The following KIF26B variants were observed in gnomAD, a reference collection of about 807,000 sequenced individuals.
KIF26B encodes the protein kinesin family member 26B.
KIF26B carries 63 observed loss-of-function variants against 151.2 expected under a neutral mutation model. The observed-to-expected ratio is 0.42, with a 90% confidence interval of 0.34 to 0.51. The LOEUF is 0.51. KIF26B is among the 20% of genes least tolerant of loss of function. The pLI is 0.07. For missense variants in KIF26B, 2,813 were observed against 2,913.6 expected (o/e 0.97, Z 0.79); for synonymous variants, 1,357 against 1,262.1 (o/e 1.08, Z -1.59).
chr1:245,443,113 GGTCATCTCCCTCACTGTTCACCTAGAGCT>G (rs1659154035), intron 4 of KIF26B, among the ~76,000 whole-genome samples: 4 of 143,938 alleles, frequency 2.8e-5, no homozygotes, highest in Admixed American at 6.9e-5. Context: ...TTAGAGGAGA[GGTCATCTCCCTCACTGTTCACCTAGAGCT>G]GTCATCTCCC....
chr1:245,356,428 C>T (rs778360405), intron 2 of KIF26B, among the ~76,000 whole-genome samples: 8 of 151,864 alleles, frequency 5.3e-5, no homozygotes, highest in African/African-American at 1.7e-4. Context: ...TGGTGGCGGG[C>T]GCCTGTGATC....
At chr1:245,346,336 T>TC (rs2102998340) in intron 2 of KIF26B, among the ~76,000 whole-genome samples, 1 of 152,296 alleles carries the variant, frequency 6.6e-6, no homozygotes, top group South Asian at 2.1e-4. Flanking sequence ...TCAAGCCACA[T>TC]CTGCTTTGTC....
intron 2 of KIF26B, chr1:245,226,106 G>C (rs866484640): frequency 3.9e-5 from 6 of 152,410 alleles, no homozygotes; most frequent in Middle Eastern, 3.4e-3. Flanking sequence ...TTCCCCACGA[G>C]GGGCAGCAGC....
chr1:245,392,062 GA>G (rs34473498), intron 3 of KIF26B, among the ~76,000 whole-genome samples: 17,347 of 135,700 alleles, frequency 0.13, 1,219 homozygotes, highest in East Asian at 0.34. Context: ...AAAGCAAATT[GA>G]AAAAAAAAAA....
chr1:245,348,075 G>A (rs1329173841), intron 2 of KIF26B, among the ~76,000 whole-genome samples: 4 of 152,206 alleles, frequency 2.6e-5, no homozygotes, highest in East Asian at 1.9e-4. Context: ...TTTGCCCGTA[G>A]ATCATTCCCT....
chr1:245,409,439 C>T (rs1674220382), intron 3 of KIF26B, among the ~76,000 whole-genome samples: 1 of 152,178 alleles, frequency 6.6e-6, no homozygotes, highest in Non-Finnish European at 1.5e-5. Context: ...AATGGGAATC[C>T]TGAAACATGA....
chr1:245,502,512 C>A (rs914201480), intron 4 of KIF26B, among the ~76,000 whole-genome samples: 1 of 126,006 alleles, frequency 7.9e-6, no homozygotes, highest in Non-Finnish European at 1.6e-5. Context: ...GGCAACAGAG[C>A]GAGCAAGATT....
chr1:245,556,997 A>G (rs1361315146), intron 5 of KIF26B, among the ~76,000 whole-genome samples: 1 of 152,200 alleles, frequency 6.6e-6, no homozygotes, highest in Non-Finnish European at 1.5e-5. Context: ...TATGTAACAC[A>G]CTGGGAGTGG....
In KIF26B at chr1:245,704,686, G is replaced by C. The variant is rs903941149; in HGVS notation, c.*2080G>C. ...GGACCTCCCTGAGCTCCTTAACCTT[G>C]ACCCCATTCTGCAGGACAGTCGCAT... On this transcript the variant is annotated 3_prime_UTR_variant, in exon 15 of 15. Transcript: ENST00000407071. 1 of 152,182 alleles carries C rather than the reference G, an allele frequency of 6.6e-6. No homozygotes were observed. The highest frequency in any genetic ancestry group is 1.5e-5 in the Non-Finnish European group (1 of 68,072). 9.4% of individuals were successfully genotyped at this position (152,182 alleles called of 1,614,324 possible). A position where few individuals can be genotyped will look rare whatever the true frequency, so the allele number is the denominator to read the frequency against.
intron 9 of KIF26B, among the ~76,000 whole-genome samples, chr1:245,628,245 G>A (rs1715814): frequency 0.72 from 110,222 of 152,136 alleles, 39,987 homozygotes; most frequent in East Asian, 0.89. Flanking sequence ...GCACTTAGGG[G>A]AGCCAAGCAG....
chr1:245,219,641 G>T (rs914526715), intron 2 of KIF26B, among the ~76,000 whole-genome samples: 2 of 152,100 alleles, frequency 1.3e-5, no homozygotes, highest in Non-Finnish European at 2.9e-5. Flanking sequence ...GGCTGAGGCG[G>T]GAGGATCACC....
intron 5 of KIF26B, among the ~76,000 whole-genome samples, chr1:245,547,195 C>T (rs1269889587): frequency 1.3e-5 from 2 of 152,200 alleles, no homozygotes; most frequent in Non-Finnish European, 2.9e-5. Flanking sequence ...CACTGTTGAA[C>T]TTAGCACTCC....
At chr1:245,618,141 G>T (rs932721808) in intron 9 of KIF26B, among the ~76,000 whole-genome samples, 3 of 152,182 alleles carry the variant, frequency 2.0e-5, no homozygotes, top group African/African-American at 7.2e-5. Context: ...GCTCCTCTCC[G>T]ATCGCCTCCT....
At chr1:245,206,090 G>A (rs931562005) in intron 2 of KIF26B, among the ~76,000 whole-genome samples, 7 of 152,014 alleles carry the variant, frequency 4.6e-5, no homozygotes, top group African/African-American at 1.7e-4. Flanking sequence ...AGAACCAGGC[G>A]GGGCACCCAG....
intron 6 of KIF26B, among the ~76,000 whole-genome samples, chr1:245,607,321 G>C (rs923779430): frequency 1.3e-4 from 20 of 152,116 alleles, no homozygotes; most frequent in Non-Finnish European, 2.6e-4. Flanking sequence ...CCCCAGAATG[G>C]CAGATGAGGG....
At chr1:245,398,085 A>G (rs925366470) in intron 3 of KIF26B, among the ~76,000 whole-genome samples, 5 of 152,202 alleles carry the variant, frequency 3.3e-5, no homozygotes, top group Non-Finnish European at 1.5e-5. Context: ...GAATACCCTG[A>G]AAAATACTAC....
At chr1:245,348,252 C>T (rs1388339860) in intron 2 of KIF26B, among the ~76,000 whole-genome samples, 1 of 152,204 alleles carries the variant, frequency 6.6e-6, no homozygotes, top group Admixed American at 6.5e-5. Context: ...CCTGCACTGA[C>T]TCCCTATGCC....
Position 245,560,040 on chromosome 1 carries a change from A to G in KIF26B, c.1350+19090A>G, listed in dbSNP as rs1169755013. ...TCTCTCATTCGTTTTTTTGGCGTGG[A>G]AACACGCTGCTCAGTCCTCAGGCCC... is the stretch of plus-strand genomic sequence containing the variant. On this transcript the variant is annotated intron_variant, in intron 5 of 14. Transcript: ENST00000407071. The surrounding 1 kb of genome is among the most constrained non-coding windows in gnomAD (Gnocchi z 4.3). Among the ~76,000 whole-genome samples, 1 of 151,996 alleles carries G rather than the reference A, an allele frequency of 6.6e-6. No homozygotes were observed. Among genetic ancestry groups the G allele is most frequent in the African/African-American group, 2.4e-5 (1 of 41,390 alleles).
intron 2 of KIF26B, among the ~76,000 whole-genome samples, chr1:245,314,345 G>A (rs1159372249): frequency 6.6e-6 from 1 of 152,148 alleles, no homozygotes; most frequent in African/African-American, 2.4e-5. Flanking sequence ...CCAGCTACTC[G>A]GGAGGCCGAG....
Sources: allele counts gnomAD v4.1 joint callset (sites outside exome capture counted in the v4.1 genomes callset), GRCh38; gene constraint gnomAD v4.1.1; non-coding constraint Gnocchi (gnomAD v3.1); transcripts MANE v1.5; gene names NCBI Gene and HGNC (gene_info 2026-07-23, HGNC 2026-07-21).